CCDC171: variants seen among roughly 807,000 people sequenced by gnomAD.
CCDC171 encodes coiled-coil domain containing 171.
CCDC171 carries 177 observed loss-of-function variants against 168.2 expected under a neutral mutation model. The ratio of observed to expected loss-of-function variants is 1.05; its 90% CI spans 0.93 to 1.19. The LOEUF is 1.19. Among genes scored for constraint, CCDC171 ranks in the 50% most tolerant of loss-of-function variants. The probability of loss-of-function intolerance (pLI) is 0.00; values close to 1 mark genes in which losing one functional copy is unlikely to be tolerated. For missense variants in CCDC171, 1,991 were observed against 1,539.0 expected (o/e 1.29, Z -4.91); for synonymous variants, 687 against 540.8 (o/e 1.27, Z -3.75).
At chr9:15,868,829 G>A (rs778789622) in intron 23 of CCDC171, among the ~76,000 whole-genome samples, 1 of 151,986 alleles carries the variant, frequency 6.6e-6, no homozygotes, top group African/African-American at 2.4e-5. Flanking sequence ...AGAATCAAGT[G>A]ACGTAGTATG....
chr9:15,664,058 T>G (rs2048532163), intron 8 of CCDC171, among the ~76,000 whole-genome samples: 1 of 152,102 alleles, frequency 6.6e-6, no homozygotes, highest in African/African-American at 2.4e-5. Context: ...AGCTAAATAA[T>G]GTGTACATAT....
chr9:15,599,460 A>C (rs995537342), intron 6 of CCDC171, among the ~76,000 whole-genome samples: 1 of 152,156 alleles, frequency 6.6e-6, no homozygotes, highest in African/African-American at 2.4e-5. Flanking sequence ...TTTCTTCAAG[A>C]ATGTTGAATA....
chr9:15,751,811 A>G (rs149120977), intron 18 of CCDC171, among the ~76,000 whole-genome samples: 1,647 of 152,330 alleles, frequency 0.011, 26 homozygotes, highest in Non-Finnish European at 0.018. Context: ...AAACGCTAGA[A>G]GAAAACCTGG....
intron 7 of CCDC171, among the ~76,000 whole-genome samples, chr9:15,636,217 G>A (rs1462476707): frequency 1.3e-5 from 2 of 151,878 alleles, no homozygotes; most frequent in African/African-American, 4.8e-5. Context: ...GTAGGTAGAT[G>A]GACTTACCAA....
intron 4 of CCDC171, among the ~76,000 whole-genome samples, chr9:15,588,951 C>T (rs1283335011): frequency 2.0e-5 from 3 of 151,854 alleles, no homozygotes; most frequent in Non-Finnish European, 4.4e-5. Context: ...ACCTTGTGAT[C>T]CGCCTGCCTC....
At chr9:15,862,190 TA>T (rs1278039987) in intron 23 of CCDC171, among the ~76,000 whole-genome samples, 1 of 151,490 alleles carries the variant, frequency 6.6e-6, no homozygotes, top group Non-Finnish European at 1.5e-5. Context: ...AAAAAAAGAA[TA>T]AAAAAGACTT....
At chr9:16,064,928 T>C (rs985359611), downstream of CCDC171, among the ~76,000 whole-genome samples, 2 of 152,252 alleles carry the variant, frequency 1.3e-5, no homozygotes, top group Admixed American at 1.3e-4. Flanking sequence ...ACCGCCCTTG[T>C]GGCTTGCAGT....
intron 25 of CCDC171, among the ~76,000 whole-genome samples, chr9:15,925,588 C>G (rs1049101306): frequency 1.3e-5 from 2 of 151,484 alleles, no homozygotes; most frequent in African/African-American, 4.8e-5. Context: ...GTGTGAGGAA[C>G]CAGCTAGACA....
chr9:15,914,487 A>G (rs1824191769), intron 24 of CCDC171, among the ~76,000 whole-genome samples: 1 of 152,088 alleles, frequency 6.6e-6, no homozygotes, highest in Non-Finnish European at 1.5e-5. Flanking sequence ...AATGGTGGAC[A>G]TGTCTCCCCA....
intron 10 of CCDC171, among the ~76,000 whole-genome samples, chr9:15,691,282 C>T (rs1006022634): frequency 8.6e-5 from 13 of 151,214 alleles, no homozygotes; most frequent in African/African-American, 2.4e-4. Context: ...AAGTTTCTGA[C>T]GTGGAGAGAT....
At chr9:15,659,175 T>C (rs2048141273) in intron 8 of CCDC171, among the ~76,000 whole-genome samples, 1 of 152,218 alleles carries the variant, frequency 6.6e-6, no homozygotes, top group Admixed American at 6.5e-5. Context: ...ACATTTACTC[T>C]TGACATCCTG....
intron 25 of CCDC171, among the ~76,000 whole-genome samples, chr9:15,961,906 C>T (rs547075500): frequency 2.0e-5 from 3 of 152,196 alleles, no homozygotes; most frequent in East Asian, 3.9e-4. Flanking sequence ...TTTTGTGTAC[C>T]GTTTTTTCAT....
At chr9:15,626,284 TC>T (rs2045098117) in intron 7 of CCDC171, among the ~76,000 whole-genome samples, 2 of 152,328 alleles carry the variant, frequency 1.3e-5, no homozygotes, top group Admixed American at 1.3e-4. Flanking sequence ...CTTCCTCTTT[TC>T]CTCATTGAAT....
chr9:15,707,669 A>C (rs1179229161), intron 11 of CCDC171, among the ~76,000 whole-genome samples: 1 of 152,206 alleles, frequency 6.6e-6, no homozygotes, highest in Non-Finnish European at 1.5e-5. Flanking sequence ...AAGTTTAAAA[A>C]CATACTATTA....
chr9:15,655,239 T>C (rs2047836361), intron 7 of CCDC171, among the ~76,000 whole-genome samples: 1 of 152,260 alleles, frequency 6.6e-6, no homozygotes, highest in African/African-American at 2.4e-5. Context: ...TATTAATTTA[T>C]TTTTTCGCCA....
intron 6 of CCDC171, among the ~76,000 whole-genome samples, chr9:15,618,642 G>C (rs1407311755): frequency 6.6e-6 from 1 of 152,156 alleles, no homozygotes; most frequent in Non-Finnish European, 1.5e-5. Context: ...GGGCCCTGGT[G>C]GCATAGGGTC....
At chr9:15,952,479 C>A (rs1376474628) in intron 25 of CCDC171, among the ~76,000 whole-genome samples, 1 of 152,076 alleles carries the variant, frequency 6.6e-6, no homozygotes, top group Non-Finnish European at 1.5e-5. Context: ...CTCACTGCAA[C>A]CTCGGTCTGC....
chr9:15,851,168 T>C (rs1296886600), intron 23 of CCDC171, among the ~76,000 whole-genome samples: 1 of 151,996 alleles, frequency 6.6e-6, no homozygotes, highest in African/African-American at 2.4e-5. Context: ...TATTTATACT[T>C]GTTAGTTTTT....
At chr9:15,775,778 C>G (rs913551507) in intron 18 of CCDC171, among the ~76,000 whole-genome samples, 1 of 152,114 alleles carries the variant, frequency 6.6e-6, no homozygotes. Context: ...ATTAATTTCT[C>G]TTAGTATTCT....
Sources: gnomAD v4.1 joint callset for allele counts (sites outside exome capture counted in the v4.1 genomes callset) on GRCh38, gnomAD v4.1.1 for gene constraint, MANE v1.5 for transcripts, NCBI Gene and HGNC (gene_info 2026-07-23, HGNC 2026-07-21) for gene names.